Variants in SAMD4A observed in about 807,000 individuals in gnomAD.
SAMD4A encodes protein Smaug homolog 1.
In SAMD4A, 33 loss-of-function variants were observed where a neutral mutation model predicts 81.3. The observed-to-expected ratio is 0.41, with a 90% CI of 0.31 to 0.54. The LOEUF is 0.54. Ranked by LOEUF, SAMD4A falls within the 20% of genes least tolerant of loss-of-function variation. The probability of loss-of-function intolerance (pLI) is 0.37; values close to 1 mark genes in which losing one functional copy is unlikely to be tolerated. For synonymous variants in SAMD4A, 389 were observed against 382.1 expected, an observed-to-expected ratio of 1.02 and a Z score of -0.21; for missense variants, 854 against 951.1, an observed-to-expected ratio of 0.90 and a Z score of 1.34.
intron 2 of SAMD4A, among the ~76,000 whole-genome samples, chr14:54,587,791 G>T (rs1278038239): frequency 6.6e-6 from 1 of 152,160 alleles, no homozygotes; most frequent in African/African-American, 2.4e-5. Flanking sequence ...TGGTTCGCTA[G>T]TATTTTGTTG....
chr14:54,746,904 A>G (rs1023278327), intron 4 of SAMD4A, among the ~76,000 whole-genome samples: 4 of 152,264 alleles, frequency 2.6e-5, no homozygotes, highest in African/African-American at 9.6e-5. Flanking sequence ...TTGGCCTGAA[A>G]GCCAAAGCTG....
intron 2 of SAMD4A, among the ~76,000 whole-genome samples, chr14:54,698,885 C>T (rs1349366906): frequency 8.6e-5 from 13 of 151,658 alleles, no homozygotes; most frequent in Admixed American, 4.6e-4. Flanking sequence ...TAACATGTTT[C>T]GTTTGTACTA....
chr14:54,586,190 T>C (rs1468631307), intron 2 of SAMD4A, among the ~76,000 whole-genome samples: 4 of 152,196 alleles, frequency 2.6e-5, no homozygotes, highest in Non-Finnish European at 5.9e-5. Flanking sequence ...ATTAGTGATG[T>C]TGAGCATTTT....
intron 2 of SAMD4A, among the ~76,000 whole-genome samples, chr14:54,666,117 G>C (rs748703477): frequency 6.6e-6 from 1 of 152,176 alleles, no homozygotes; most frequent in Non-Finnish European, 1.5e-5. Context: ...TGTCACCCCA[G>C]CTATGGGAAT....
Position 54,702,128 on chromosome 14 carries a change from C to T in SAMD4A, c.263C>T (p.Pro88Leu). Residue 88 changes from proline (P) to leucine (L), a missense_variant, in exon 3 of 13, where the codon CCT becomes CTT. Pro to Leu is a moderately conservative substitution (Grantham distance 98). This residue lies in a region of SAMD4A where 387 missense variants were observed against 405.8 expected (regional missense o/e 0.95). Coordinates refer to ENST00000554335, the MANE Select transcript of SAMD4A (RefSeq NM_015589.6). ...KVISLLLTHL[P>L]LLKPGNLDAK... The stretch of plus-strand genomic sequence containing the variant: ...ATTTCCCTCCTGTTAACTCATCTGC[C>T]TTTGCTGAAGCCAGGAAACCTCGAC... 6.2e-7 allele frequency: 1 copy of T among 1,614,150 alleles called. No individual in the cohort carries two copies. The highest frequency in any genetic ancestry group is 8.5e-7 in the Non-Finnish European group (1 of 1,180,018).
rs1015864825 is a variant in SAMD4A at position 54,793,006 on chromosome 14, G to C, written c.*4062G>C. 10 of 152,174 alleles carry C rather than the reference G, an allele frequency of 6.6e-5. No individual in the cohort carries two copies. The highest frequency in any genetic ancestry group is 2.4e-4 in the African/African-American group (10 of 41,450). 9.4% of individuals were successfully genotyped at this position (152,174 alleles called of 1,614,324 possible). A position where few individuals can be genotyped will look rare whatever the true frequency, so the allele number is the denominator to read the frequency against. Reference sequence around the variant, plus strand: ...TTCCTGTATAAAGTTAGTGAACAAAGAAATATTTTTGCCTAGTTCATGTTG... The same window carrying C: ...TTCCTGTATAAAGTTAGTGAACAAACAAATATTTTTGCCTAGTTCATGTTG... On this transcript the variant is annotated 3_prime_UTR_variant, in exon 13 of 13. Transcript: ENST00000554335.
intron 7 of SAMD4A, among the ~76,000 whole-genome samples, chr14:54,762,264 T>G (rs978605822): frequency 6.6e-6 from 1 of 152,244 alleles, no homozygotes; most frequent in African/African-American, 2.4e-5. Context: ...TCTTGATTAT[T>G]TTTTAACATG....
At chr14:54,655,747 AAAAC>A (rs536257487) in intron 2 of SAMD4A, among the ~76,000 whole-genome samples, 72 of 152,270 alleles carry the variant, frequency 4.7e-4, no homozygotes, top group East Asian at 1.4e-3. Flanking sequence ...TCAAAAAACA[AAAAC>A]AAACAAACAA....
chr14:54,624,044 T>C (rs1358363623), intron 2 of SAMD4A, among the ~76,000 whole-genome samples: 2 of 152,178 alleles, frequency 1.3e-5, no homozygotes, highest in Non-Finnish European at 2.9e-5. Flanking sequence ...GGCGCGATCT[T>C]GGCTCACTGC....
chr14:54,668,346 C>G (rs920851812), intron 2 of SAMD4A, among the ~76,000 whole-genome samples: 1 of 152,172 alleles, frequency 6.6e-6, no homozygotes, highest in South Asian at 2.1e-4. Context: ...CATTTCTCTC[C>G]CCTTGGAGTT....
rs148232439 is a variant in SAMD4A, at chr14:54,698,624, T to G, written c.197-3438T>G. On this transcript the variant is annotated intron_variant, in intron 2 of 12. Coordinates refer to ENST00000554335, the MANE Select transcript of SAMD4A (RefSeq NM_015589.6). ...ATTCAATACTGTTGGCTCTCAGCAG[T>G]GGCAGCTGGAGTAGTAGCAGAAATA... 1.9e-3 allele frequency among the ~76,000 whole-genome samples: 285 copies of G among 152,342 alleles called. 1 individual carries two copies. The highest frequency in any genetic ancestry group is 6.3e-3 in the African/African-American group (263 of 41,582).
At chr14:54,576,048 A>G (rs1254755973) in intron 2 of SAMD4A, among the ~76,000 whole-genome samples, 1 of 99,348 alleles carries the variant, frequency 1.0e-5, no homozygotes. Flanking sequence ...TGCTGATGCT[A>G]TGGGCTGTAA....
At chr14:54,768,336 C>T (rs2038609316) in intron 8 of SAMD4A, among the ~76,000 whole-genome samples, 2 of 152,192 alleles carry the variant, frequency 1.3e-5, no homozygotes, top group East Asian at 3.8e-4. Flanking sequence ...AGGCACGTTC[C>T]AGGTATTCTA....
intron 3 of SAMD4A, among the ~76,000 whole-genome samples, chr14:54,725,150 T>C (rs1051256508): frequency 2.6e-5 from 4 of 152,216 alleles, no homozygotes; most frequent in South Asian, 4.1e-4. Context: ...AGACACGTAA[T>C]AGGTTCTCAG....
At chr14:54,613,242 A>G (rs950663810) in intron 2 of SAMD4A, among the ~76,000 whole-genome samples, 2 of 152,190 alleles carry the variant, frequency 1.3e-5, no homozygotes, top group African/African-American at 4.8e-5. Context: ...GAGAGCAGAG[A>G]TGCTCACTGA....
At chr14:54,684,792 T>A (rs567360803) in intron 2 of SAMD4A, among the ~76,000 whole-genome samples, 1 of 152,352 alleles carries the variant, frequency 6.6e-6, no homozygotes, top group African/African-American at 2.4e-5. Flanking sequence ...GACCTGGGCC[T>A]TTGGCCTGGT....
intron 2 of SAMD4A, among the ~76,000 whole-genome samples, chr14:54,675,919 C>G (rs2035983921): frequency 6.6e-6 from 1 of 152,216 alleles, no homozygotes; most frequent in Non-Finnish European, 1.5e-5. Context: ...CAGTCAGTGT[C>G]TTGCACAGGC....
In SAMD4A at chr14:54,791,864, A is replaced by G. The variant is rs1461547881; in HGVS notation, c.*2920A>G. On this transcript the variant is annotated 3_prime_UTR_variant, in exon 13 of 13. Transcript: ENST00000554335. ...AGCAGCAGTGCCTTTTTTTGTATTT[A>G]CCCATTGACCCCCACCAAATGCAAC... 1 of 152,182 alleles carries G rather than the reference A, an allele frequency of 6.6e-6. No homozygotes were observed. The highest frequency in any genetic ancestry group is 1.9e-4 in the East Asian group (1 of 5,202). 9.4% of individuals were successfully genotyped at this position (152,182 alleles called of 1,614,324 possible). A position where few individuals can be genotyped will look rare whatever the true frequency, so the allele number is the denominator to read the frequency against.
At chr14:54,772,824 AAC>A (rs1438968324) in intron 9 of SAMD4A, among the ~76,000 whole-genome samples, 1 of 132,076 alleles carries the variant, frequency 7.6e-6, no homozygotes, top group Admixed American at 8.2e-5. Flanking sequence ...AAAACAAACA[AAC>A]AAAAAAAAAA....
Sources: gnomAD v4.1 joint callset for allele counts (sites outside exome capture counted in the v4.1 genomes callset) on GRCh38, gnomAD v4.1.1 for gene constraint, gnomAD v4.1.1 regional missense constraint, MANE v1.5 for transcripts, NCBI Gene and HGNC (gene_info 2026-07-23, HGNC 2026-07-21) for gene names.